Variants in CDH11 observed in about 807,000 individuals in gnomAD.
CDH11 encodes cadherin-11.
Under a neutral mutation model 67.8 loss-of-function variants are expected in CDH11, and 11 were observed. The observed-to-expected ratio is 0.16, with a 90% CI of 0.10 to 0.27. CDH11 has a LOEUF of 0.27. Ranked by LOEUF, CDH11 falls within the 10% of genes least tolerant of loss-of-function variation. The pLI, the probability that CDH11 is intolerant of heterozygous loss-of-function variation, is 1.00. For synonymous variants in CDH11, 419 were observed against 400.0 expected, an observed-to-expected ratio of 1.05 and a Z score of -0.57; for missense variants, 847 against 1,031.2, an observed-to-expected ratio of 0.82 and a Z score of 2.45.
chr16:65,094,402 A>G (rs912349818), intron 1 of CDH11, among the ~76,000 whole-genome samples: 2 of 152,060 alleles, frequency 1.3e-5, no homozygotes, highest in Non-Finnish European at 2.9e-5. Context: ...ACCTTAAACA[A>G]TAACCCAAAA....
chr16:64,947,692 C>A lies in CDH11; in HGVS notation c.2302G>T (p.Asp768Tyr). The A allele has an allele frequency of 1.9e-6, 3 of 1,614,098 alleles. No homozygotes were observed. Among genetic ancestry groups the A allele is most frequent in the Non-Finnish European group, 2.5e-6 (3 of 1,179,990 alleles). Residue 768 changes from aspartate to tyrosine, a missense_variant, in exon 13 of 13, where the codon GAC (aspartate) becomes TAC (tyrosine). Physicochemically the swap from Asp to Tyr is radical, Grantham distance 160. This residue lies in a region of CDH11 where 612 missense variants were observed against 678.7 expected (regional missense o/e 0.90). Transcript: ENST00000268603. ...LESATTDSDL[D>Y]YDYLQNWGPR... is the part of the protein sequence containing the mutation. ...CCCCAGTTCTGTAGATAATCATAGT[C>A]CAAGTCTGAATCTGTGGTGGCCGAC...
chr16:65,033,424 C>G (rs999216706), intron 2 of CDH11, among the ~76,000 whole-genome samples: 1 of 152,116 alleles, frequency 6.6e-6, no homozygotes, highest in African/African-American at 2.4e-5. Flanking sequence ...CTTAGATGAG[C>G]CATTTAAAAT....
intron 2 of CDH11, among the ~76,000 whole-genome samples, chr16:65,024,482 G>A (rs1597105034): frequency 1.3e-5 from 2 of 152,086 alleles, no homozygotes; most frequent in South Asian, 4.1e-4. Context: ...ATAACCACTG[G>A]TTTAGAGCTA....
chr16:64,988,282 C>G lies in CDH11; in HGVS notation c.874G>C (p.Ala292Pro). 6.2e-7 allele frequency: 1 copy of G among 1,613,732 alleles called. No individual in the cohort carries two copies. ...TTTTCTCCAATGTCTGGATCTTTAG[C>G]TTTCACTCTTCCTACTTCCTCCCCA... Reference protein sequence around the residue: ...VPGEEVGRVKAKDPDIGENGL... With the variant: ...VPGEEVGRVKPKDPDIGENGL... Residue 292 changes from alanine (A) to proline (P), a missense_variant, in exon 7 of 13, where the codon GCT becomes CCT. Physicochemically the swap from Ala to Pro is conservative, Grantham distance 27. Around this residue, in one of 2 missense-constraint regions of CDH11, gnomAD observed 612 missense variants for 678.7 expected, o/e 0.90. Transcript: ENST00000268603.
Position 64,946,315 on chromosome 16 carries a change from A to C in CDH11, c.*1288T>G, listed in dbSNP as rs1020948670. The C allele has an allele frequency of 4.6e-5, 48 of 1,044,548 alleles. No homozygotes were observed. The highest frequency in any genetic ancestry group is 5.6e-5 in the Admixed American group (1 of 17,936). 64.7% of individuals were successfully genotyped at this position (1,044,548 alleles called of 1,614,324 possible). A position where few individuals can be genotyped will look rare whatever the true frequency, so the allele number is the denominator to read the frequency against. Reference sequence around the variant, plus strand: ...ATAGAATAACATTAGAGTCTGGGCAAATTTATATTTTTGACTCTAGTCCCC... The same window carrying C: ...ATAGAATAACATTAGAGTCTGGGCACATTTATATTTTTGACTCTAGTCCCC... On this transcript the variant is annotated 3_prime_UTR_variant, in exon 13 of 13. Coordinates refer to ENST00000268603, the MANE Select transcript of CDH11 (RefSeq NM_001797.4).
chr16:65,012,172 C>A lies in CDH11; in HGVS notation c.-172-7131G>T, dbSNP rs146549223. ...GAATCAATGACTACACTTCTACAGA[C>A]AAATTTGTAAAGTATCGGTCCTGTA... On this transcript the variant is annotated intron_variant, in intron 2 of 12. Coordinates refer to ENST00000268603, the MANE Select transcript of CDH11 (RefSeq NM_001797.4). Among the ~76,000 whole-genome samples the A allele has an allele frequency of 4.3e-4, 65 of 152,326 alleles. No individual in the cohort carries two copies. The East Asian group carries it at 0.01, about 24-fold the overall frequency.
At chr16:64,981,902 T>C (rs2072359747) in intron 8 of CDH11, 146 bp downstream of exon 8, 2 of 691,902 alleles carry the variant, frequency 2.9e-6, no homozygotes, top group African/African-American at 1.8e-5. Context: ...TCATGTCTTC[T>C]AAATCTTAAT....
Position 64,947,062 on chromosome 16 carries a change from C to CAAGCATCA in CDH11, c.*540_*541insTGATGCTT. ...TAGAAGCAAAAAGATTTACAAGAAT[C>CAAGCATCA]AGCAGTAACAAGATTGATGCTCAAG... On this transcript the variant is annotated 3_prime_UTR_variant, in exon 13 of 13. Transcript: ENST00000268603. 9.7e-7 allele frequency: 1 copy of CAAGCATCA among 1,032,704 alleles called. No homozygotes were observed. The highest frequency in any genetic ancestry group is 1.2e-6 in the Non-Finnish European group (1 of 858,154). 64.0% of individuals were successfully genotyped at this position (1,032,704 alleles called of 1,614,324 possible).
At chr16:64,968,663 T>C (rs1175487648) in intron 11 of CDH11, 3 of 534,130 alleles carry the variant, frequency 5.6e-6, no homozygotes, top group Admixed American at 6.4e-5. Context: ...TGAATGCTTA[T>C]GCCGGAGTTT....
At chr16:65,054,316 A>G (rs1375633246) in intron 1 of CDH11, among the ~76,000 whole-genome samples, 1 of 152,318 alleles carries the variant, frequency 6.6e-6, no homozygotes. Context: ...AGCCAAAGCA[A>G]TGTCTTCCTT....
At chr16:65,065,037 C>T (rs2074291449) in intron 1 of CDH11, among the ~76,000 whole-genome samples, 1 of 152,136 alleles carries the variant, frequency 6.6e-6, no homozygotes, top group East Asian at 1.9e-4. Flanking sequence ...ACCGCATTTT[C>T]ATTAATATCA....
chr16:65,092,949 T>C (rs1003195047), intron 1 of CDH11, among the ~76,000 whole-genome samples: 13 of 150,984 alleles, frequency 8.6e-5, no homozygotes, highest in African/African-American at 3.2e-4. Context: ...CTTTTTTTTT[T>C]TTTTTTTGAT....
chr16:64,947,222 G>T lies in CDH11; in HGVS notation c.*381C>A. On this transcript the variant is annotated 3_prime_UTR_variant, in exon 13 of 13. Coordinates refer to ENST00000268603, the MANE Select transcript of CDH11 (RefSeq NM_001797.4). ...GGCGAAATTACAGCTCAGAACTGTT[G>T]TCCTTTCTAATTTTGTGGAAGCTTC... The T allele has an allele frequency of 4.5e-6, 5 of 1,100,946 alleles. No homozygotes were observed. The highest frequency in any genetic ancestry group is 5.6e-6 in the Non-Finnish European group (5 of 900,100). The allele number at this position is 1,100,946 out of a possible 1,614,324, so 68.2% of individuals were successfully genotyped here.
intron 2 of CDH11, among the ~76,000 whole-genome samples, chr16:65,006,125 C>T (rs763982276): frequency 2.6e-5 from 4 of 152,162 alleles, no homozygotes; most frequent in Non-Finnish European, 4.4e-5. Flanking sequence ...TAGAACCATA[C>T]ATTTGTTTTC....
intron 11 of CDH11, among the ~76,000 whole-genome samples, chr16:64,951,304 G>A (rs2071357219): frequency 6.6e-6 from 1 of 152,116 alleles, no homozygotes; most frequent in Non-Finnish European, 1.5e-5. Context: ...TGATGTGGCC[G>A]GCTTGCCAGT....
At chr16:65,043,846 G>A (rs2073908540) in intron 2 of CDH11, among the ~76,000 whole-genome samples, 1 of 152,138 alleles carries the variant, frequency 6.6e-6, no homozygotes, top group African/African-American at 2.4e-5. Context: ...GGGAGGGGAG[G>A]AGTAGAATCC....
chr16:65,070,858 A>G (rs2074403162), intron 1 of CDH11, among the ~76,000 whole-genome samples: 1 of 152,192 alleles, frequency 6.6e-6, no homozygotes. Flanking sequence ...CAGGGAGAGT[A>G]TTTTTCAAAA....
chr16:65,096,719 G>A (rs1221024636), intron 1 of CDH11, among the ~76,000 whole-genome samples: 1 of 151,712 alleles, frequency 6.6e-6, no homozygotes, highest in Non-Finnish European at 1.5e-5. Flanking sequence ...GTGTGTGTGT[G>A]TGTATCCTGT....
intron 3 of CDH11, among the ~76,000 whole-genome samples, chr16:65,003,492 C>T (rs940057381): frequency 3.0e-4 from 45 of 152,160 alleles, no homozygotes; most frequent in African/African-American, 8.2e-4. Context: ...CCTGACATCC[C>T]GTGATTCACC....
Sources: allele counts gnomAD v4.1 joint callset (sites outside exome capture counted in the v4.1 genomes callset), GRCh38; gene constraint gnomAD v4.1.1; regional missense constraint gnomAD v4.1.1; transcripts MANE v1.5; gene names NCBI Gene and HGNC (gene_info 2026-07-23, HGNC 2026-07-21).